Variants in ZNF536 observed in about 807,000 individuals in gnomAD.
The protein encoded by ZNF536 is zinc finger protein 536.
In ZNF536, 13 loss-of-function variants were observed where a neutral mutation model predicts 84.5. The ratio of observed to expected loss-of-function variants is 0.15; its 90% CI spans 0.10 to 0.24. The LOEUF (loss-of-function observed/expected upper bound fraction) is 0.24, where lower values mean the gene tolerates loss of function less well. Among genes scored for constraint, ZNF536 ranks in the 10% least tolerant of loss-of-function variants. The pLI is 1.00. For missense variants in ZNF536, 1,536 were observed against 1,747.5 expected (o/e 0.88, Z 2.16); for synonymous variants, 811 against 742.5 (o/e 1.09, Z -1.50).
intron 2 of ZNF536, among the ~76,000 whole-genome samples, chr19:30,457,383 C>T (rs1189713912): frequency 1.3e-5 from 2 of 152,224 alleles, no homozygotes; most frequent in South Asian, 2.1e-4. Flanking sequence ...GAGCCACAGT[C>T]TAAGTAAATG....
chr19:30,312,137 C>T (rs781399211), intron 2 of ZNF536, among the ~76,000 whole-genome samples: 10 of 152,118 alleles, frequency 6.6e-5, no homozygotes, highest in African/African-American at 1.4e-4. Context: ...GCCCGTGCCA[C>T]GGTTTTGGAC....
At chr19:30,562,668 T>C (rs2146444116), downstream of ZNF536, among the ~76,000 whole-genome samples, 1 of 152,248 alleles carries the variant, frequency 6.6e-6, no homozygotes, top group East Asian at 1.9e-4. Context: ...AGTTCCCTTT[T>C]GGATAAAAGT....
At position 30,312,337 on chromosome 19, in the gene ZNF536, C is replaced by T. The variant is rs564047770; in HGVS notation, c.-120+28196C>T. On this transcript the variant is annotated intron_variant, in intron 2 of 5. Coordinates refer to the ZNF536 transcript ENST00000585628. ...AGAGGGGGACGCGCCACAACTTTCC[C>T]GGAGAAAGCCTGTCTCAGAGAGTGG... Among the ~76,000 whole-genome samples, 38 of 152,206 alleles carry T rather than the reference C, an allele frequency of 2.5e-4. 2 individuals are homozygous for T. The highest frequency in any genetic ancestry group is 8.7e-4 in the African/African-American group (36 of 41,510).
intron 2 of ZNF536, among the ~76,000 whole-genome samples, chr19:30,339,811 G>A (rs989812848): frequency 1.3e-5 from 2 of 152,200 alleles, no homozygotes; most frequent in African/African-American, 2.4e-5. Flanking sequence ...CTGTGGCTGC[G>A]TGGTTGCTGT....
At chr19:30,288,169 G>A (rs979419141) in intron 2 of ZNF536, among the ~76,000 whole-genome samples, 2 of 152,346 alleles carry the variant, frequency 1.3e-5, no homozygotes, top group African/African-American at 2.4e-5. Flanking sequence ...TCACGTAGGC[G>A]AAGATGATCT....
At chr19:30,242,422 G>C (rs1201581866) in intron 1 of ZNF536, among the ~76,000 whole-genome samples, 4 of 152,118 alleles carry the variant, frequency 2.6e-5, no homozygotes, top group African/African-American at 9.7e-5. Flanking sequence ...CATTGGGTTA[G>C]ACTTGGTTGT....
chr19:30,691,451 G>A (rs1377743248), intron 1 of ZNF536, among the ~76,000 whole-genome samples: 1 of 151,886 alleles, frequency 6.6e-6, no homozygotes, highest in African/African-American at 2.4e-5. Flanking sequence ...TGAGGGGGTG[G>A]GAATACCAAA....
At chr19:30,301,633 T>C (rs993177112) in intron 2 of ZNF536, among the ~76,000 whole-genome samples, 1 of 152,208 alleles carries the variant, frequency 6.6e-6, no homozygotes, top group Non-Finnish European at 1.5e-5. Flanking sequence ...GTAGGTGGCT[T>C]TAATTCTACA....
At chr19:30,360,850 C>T (rs576341385) in intron 3 of ZNF536, among the ~76,000 whole-genome samples, 4 of 152,302 alleles carry the variant, frequency 2.6e-5, no homozygotes, top group African/African-American at 9.6e-5. Flanking sequence ...AAGTAACTTC[C>T]AGCTTATTAG....
chr19:30,328,291 G>A (rs28382410), intron 2 of ZNF536, among the ~76,000 whole-genome samples: 2,065 of 152,258 alleles, frequency 0.014, 52 homozygotes, highest in African/African-American at 0.047. Context: ...GAAATAAACC[G>A]AGACTTCGGT....
chr19:30,348,814 C>CTTTTT (rs5827705), intron 2 of ZNF536, among the ~76,000 whole-genome samples: 3 of 132,666 alleles, frequency 2.3e-5, no homozygotes, highest in Non-Finnish European at 1.7e-5. Context: ...TTTTTCTTTT[C>CTTTTT]TTTTTTTTTT....
chr19:30,354,928 A>G (rs2048044579), intron 3 of ZNF536, among the ~76,000 whole-genome samples: 2 of 152,192 alleles, frequency 1.3e-5, no homozygotes, highest in South Asian at 4.1e-4. Context: ...ATTCAGCCCC[A>G]GAGCCTTTTC....
chr19:30,669,154 C>T (rs2050449247), intron 1 of ZNF536, among the ~76,000 whole-genome samples: 1 of 152,224 alleles, frequency 6.6e-6, no homozygotes, highest in Admixed American at 6.5e-5. Flanking sequence ...GTCCCAATGC[C>T]ACAGTGGGGC....
chr19:30,560,590 G>A (rs78513839), downstream of ZNF536, among the ~76,000 whole-genome samples: 8 of 152,068 alleles, frequency 5.3e-5, no homozygotes, highest in East Asian at 5.8e-4. Flanking sequence ...CCACCCCCCC[G>A]CCCCATTGTA....
chr19:30,643,330 C>T (rs949777592), intron 1 of ZNF536, among the ~76,000 whole-genome samples: 2 of 152,162 alleles, frequency 1.3e-5, no homozygotes, highest in East Asian at 1.9e-4. Context: ...GTGAGAGAAA[C>T]ACACTAAGAC....
In ZNF536 at chr19:30,475,241, C is replaced by T. The variant is rs750443384; in HGVS notation, c.2170+29509C>T. Among the ~76,000 whole-genome samples the T allele has an allele frequency of 3.3e-5, 5 of 152,030 alleles. No homozygotes were observed. In the South Asian group the frequency reaches 8.3e-4, roughly 25 times the overall value. ...GATTACAGGCATGCACCATCATGCC[C>T]GGATAATTTTTTGTAGTTTTAGTAG... On this transcript the variant is annotated intron_variant, in intron 2 of 4. Transcript: ENST00000355537.
chr19:30,693,509 C>T (rs758789894), intron 1 of ZNF536, among the ~76,000 whole-genome samples: 8 of 151,886 alleles, frequency 5.3e-5, no homozygotes, highest in Non-Finnish European at 1.2e-4. Flanking sequence ...AAGTCTGACA[C>T]CTTTGATTTT....
chr19:30,399,688 T>TTG lies in ZNF536; in HGVS notation c.-3+27133_-3+27134insGT, dbSNP rs1191301452. On this transcript the variant is annotated intron_variant, in intron 1 of 4. Transcript: ENST00000355537. Reference sequence around the variant, plus strand: ...TTATTAAATAAGAAATGTTTTTTTTTTTTTTTTTTGAGATGGAGTTTTGCT... The same window carrying TTG: ...TTATTAAATAAGAAATGTTTTTTTTTTGTTTTTTTTTGAGATGGAGTTTTGCT... 3.3e-5 allele frequency among the ~76,000 whole-genome samples: 5 copies of TTG among 150,312 alleles called. No individual in the cohort carries two copies. In the East Asian group the frequency reaches 7.8e-4, roughly 23 times the overall value.
intron 1 of ZNF536, among the ~76,000 whole-genome samples, chr19:30,634,827 A>G (rs1380292261): frequency 6.6e-6 from 1 of 152,024 alleles, no homozygotes; most frequent in African/African-American, 2.4e-5. Flanking sequence ...TGAGCCAAGC[A>G]GAGCCAGAGC....
Sources: allele counts gnomAD v4.1 joint callset (sites outside exome capture counted in the v4.1 genomes callset), GRCh38; gene constraint gnomAD v4.1.1; transcripts MANE v1.5; gene names NCBI Gene and HGNC (gene_info 2026-07-23, HGNC 2026-07-21).